GPC5: variants seen among roughly 807,000 people sequenced by gnomAD.
GPC5 encodes glypican 5, also known as glypican-5.
Under a neutral mutation model 53.9 loss-of-function variants are expected in GPC5, and 47 were observed. The observed-to-expected ratio is 0.87, with a 90% CI of 0.69 to 1.11. GPC5 has a LOEUF of 1.11. GPC5 is among the 50% of genes most tolerant of loss of function. The pLI is 0.00. For synonymous variants in GPC5, 286 were observed against 263.3 expected (o/e 1.09, Z -0.84); for missense variants, 748 against 713.1 (o/e 1.05, Z -0.56).
intron 7 of GPC5, among the ~76,000 whole-genome samples, chr13:92,853,896 G>A (rs1171041422): frequency 2.6e-5 from 4 of 152,052 alleles, no homozygotes; most frequent in African/African-American, 9.7e-5. Context: ...AGAACACAAT[G>A]TAAGAGACAC....
At chr13:91,626,816 C>G (rs1345121175) in intron 2 of GPC5, among the ~76,000 whole-genome samples, 2 of 151,998 alleles carry the variant, frequency 1.3e-5, no homozygotes, top group East Asian at 3.9e-4. Context: ...CTATCCCTCC[C>G]CATTCCCCCA....
chr13:92,401,011 C>T (rs1400600334), intron 7 of GPC5, among the ~76,000 whole-genome samples: 1 of 151,994 alleles, frequency 6.6e-6, no homozygotes, highest in Non-Finnish European at 1.5e-5. Context: ...CAAAATACCC[C>T]TGTAATGTGA....
intron 2 of GPC5, among the ~76,000 whole-genome samples, chr13:91,682,229 G>A (rs565131693): frequency 7.2e-5 from 11 of 152,270 alleles, no homozygotes; most frequent in Middle Eastern, 3.4e-3. Flanking sequence ...TATGGTGGTC[G>A]TGCTAGTAAG....
intron 7 of GPC5, among the ~76,000 whole-genome samples, chr13:92,783,028 C>A (rs972727474): frequency 6.6e-6 from 1 of 152,126 alleles, no homozygotes; most frequent in Non-Finnish European, 1.5e-5. Flanking sequence ...TTTTACTAAT[C>A]TTTCAGTAAT....
intron 6 of GPC5, among the ~76,000 whole-genome samples, chr13:92,041,110 C>T (rs925702467): frequency 2.6e-5 from 4 of 152,296 alleles, no homozygotes; most frequent in Middle Eastern, 3.4e-3. Context: ...TCTCGGCCTC[C>T]CAAAGTGCTG....
intron 7 of GPC5, among the ~76,000 whole-genome samples, chr13:92,600,698 G>A (rs1160562516): frequency 6.7e-6 from 1 of 150,158 alleles, no homozygotes; most frequent in Admixed American, 6.7e-5. Context: ...CTAGAGATGG[G>A]GTTTCACCCT....
At chr13:92,636,846 C>G (rs1270057143) in intron 7 of GPC5, among the ~76,000 whole-genome samples, 1 of 152,132 alleles carries the variant, frequency 6.6e-6, no homozygotes, top group Non-Finnish European at 1.5e-5. Context: ...AAACTTAGTA[C>G]GTGGAAAACT....
chr13:91,930,122 A>T (rs1167656098), intron 6 of GPC5, among the ~76,000 whole-genome samples: 1 of 152,088 alleles, frequency 6.6e-6, no homozygotes. Flanking sequence ...GAATTTCAAG[A>T]TGCCCATCAT....
chr13:91,650,750 G>GTTTTGTT (rs1555333961), intron 2 of GPC5, among the ~76,000 whole-genome samples: 1 of 99,642 alleles, frequency 1.0e-5, no homozygotes, highest in African/African-American at 4.1e-5. Context: ...ATTCCCATAA[G>GTTTTGTT]TTTTTTTTTT....
At chr13:92,623,895 C>T (rs1252792771) in intron 7 of GPC5, among the ~76,000 whole-genome samples, 2 of 152,098 alleles carry the variant, frequency 1.3e-5, no homozygotes, top group Middle Eastern at 3.4e-3. Flanking sequence ...TTTGCTCTTG[C>T]CCAGGCCGGA....
At chr13:92,026,970 T>C (rs1267651593) in intron 6 of GPC5, among the ~76,000 whole-genome samples, 1 of 152,170 alleles carries the variant, frequency 6.6e-6, no homozygotes, top group Non-Finnish European at 1.5e-5. Context: ...TAAATATTTA[T>C]TTGAGTGATC....
intron 7 of GPC5, among the ~76,000 whole-genome samples, chr13:92,279,156 C>T (rs1166908571): frequency 6.6e-6 from 1 of 152,028 alleles, no homozygotes; most frequent in Admixed American, 6.6e-5. Flanking sequence ...ATTACCAATA[C>T]AGGCTATATT....
At chr13:92,800,522 G>A (rs761054034) in intron 7 of GPC5, among the ~76,000 whole-genome samples, 26 of 151,842 alleles carry the variant, frequency 1.7e-4, no homozygotes, top group Non-Finnish European at 3.5e-4. Context: ...CATTCTGAGT[G>A]TTACTTTCCA....
chr13:91,819,708 G>T (rs372966038), intron 5 of GPC5, among the ~76,000 whole-genome samples: 2 of 152,066 alleles, frequency 1.3e-5, no homozygotes, highest in African/African-American at 4.8e-5. Flanking sequence ...ACATTACTTA[G>T]AGCTGCCTGT....
intron 6 of GPC5, among the ~76,000 whole-genome samples, chr13:91,948,671 A>G (rs1429565894): frequency 6.6e-6 from 1 of 152,200 alleles, no homozygotes; most frequent in African/African-American, 2.4e-5. Flanking sequence ...TTAATAATAC[A>G]ACCATTTATT....
chr13:92,116,900 CTTTA>C (rs1173466559), intron 6 of GPC5, among the ~76,000 whole-genome samples: 2 of 151,938 alleles, frequency 1.3e-5, no homozygotes, highest in Non-Finnish European at 2.9e-5. Flanking sequence ...TTGATGGTTT[CTTTA>C]TTAAGTTTTG....
intron 7 of GPC5, among the ~76,000 whole-genome samples, chr13:92,474,581 A>G (rs1879031675): frequency 6.6e-6 from 1 of 151,908 alleles, no homozygotes; most frequent in East Asian, 1.9e-4. Context: ...TTTTAGGGAA[A>G]TATGTATGGT....
chr13:92,418,401 GT>G (rs1453074899), intron 7 of GPC5, among the ~76,000 whole-genome samples: 1 of 152,078 alleles, frequency 6.6e-6, no homozygotes, highest in Non-Finnish European at 1.5e-5. Context: ...CGTTATTGAG[GT>G]TTAATAAGAT....
At position 92,780,221 on chromosome 13, in the gene GPC5, A is replaced by G. The variant is rs568339076; in HGVS notation, c.1562-86061A>G. Among the ~76,000 whole-genome samples, 265 of 151,960 alleles carry G rather than the reference A, an allele frequency of 1.7e-3. 1 individual carries two copies. Among genetic ancestry groups the G allele is most frequent in the Non-Finnish European group, 3.3e-3 (224 of 67,906 alleles). ...AAAACTCTTCTTAGTAAAATACTTA[A>G]TACTTTGCTACAATGTCTTTGATTA... On this transcript the variant is annotated intron_variant, in intron 7 of 7. Coordinates refer to ENST00000377067, the MANE Select transcript of GPC5 (RefSeq NM_004466.6).
Sources: allele counts gnomAD v4.1 joint callset (sites outside exome capture counted in the v4.1 genomes callset), GRCh38; gene constraint gnomAD v4.1.1; transcripts MANE v1.5; gene names NCBI Gene and HGNC (gene_info 2026-07-23, HGNC 2026-07-21).